The following CHST13 variants were observed in gnomAD, a reference collection of about 807,000 sequenced individuals.
CHST13 encodes C4ST-3.
In CHST13, 1 loss-of-function variant was observed where a neutral mutation model predicts 7.0. The ratio of observed to expected loss-of-function variants is 0.14; its 90% CI spans 0.05 to 0.68. The LOEUF (loss-of-function observed/expected upper bound fraction) is 0.68. CHST13 is among the 30% of genes least tolerant of loss of function. The pLI, the probability that CHST13 is intolerant of heterozygous loss-of-function variation, is 0.82. For missense variants in CHST13, 572 were observed against 507.9 expected, an observed-to-expected ratio of 1.13 and a Z score of -1.21; for synonymous variants, 257 against 240.9, an observed-to-expected ratio of 1.07 and a Z score of -0.62.
intron 2 of CHST13, among the ~76,000 whole-genome samples, chr3:126,539,516 A>T (rs542767957): frequency 7.0e-6 from 1 of 142,786 alleles, no homozygotes; most frequent in South Asian, 2.3e-4. Flanking sequence ...CACACCCCAC[A>T]CACCCCACAC....
chr3:126,536,101 G>A (rs993458195), intron 1 of CHST13, among the ~76,000 whole-genome samples, 170 bp from the exon 2 acceptor site: 14 of 152,110 alleles, frequency 9.2e-5, no homozygotes, highest in African/African-American at 3.1e-4. Context: ...TGCCCCATTA[G>A]TACCCCCTGC....
chr3:126,536,319 G>T lies in CHST13; in HGVS notation c.146G>T (p.Arg49Ile), dbSNP rs2107568347. 6.2e-7 allele frequency: 1 copy of T among 1,614,044 alleles called. No homozygotes were observed. Residue 49 changes from arginine to isoleucine, a missense_variant, in exon 2 of 3, where the codon AGA (arginine) becomes ATA (isoleucine). Physicochemically the swap from Arg to Ile is moderately conservative, Grantham distance 97 (BLOSUM62 -3). Transcript: ENST00000319340. ...TCCAGCTGGCTTGGTGGGGAGAAGA[G>T]AAGCCCCCTGCAGAAGCTCTATGAC... ...LGSSWLGGEK[R>I]SPLQKLYDLD...
At position 126,537,802 on chromosome 3, in the gene CHST13, C is replaced by G. The variant is rs528868617; in HGVS notation, c.180+1449C>G. Among the ~76,000 whole-genome samples, 5 of 152,360 alleles carry G rather than the reference C, an allele frequency of 3.3e-5. No homozygotes were observed. In the South Asian group the frequency reaches 1.0e-3, roughly 32 times the overall value. ...ACAAGTGCTGATCACGTGCCAGGCC[C>G]TTTAGTTCTGTGGACTAATTACGTC... On this transcript the variant is annotated intron_variant, in intron 2 of 2. Coordinates refer to ENST00000319340, the MANE Select transcript of CHST13 (RefSeq NM_152889.3).
At chr3:126,541,481 G>C (rs1426407150) in intron 2 of CHST13, among the ~76,000 whole-genome samples, 1 of 152,144 alleles carries the variant, frequency 6.6e-6, no homozygotes, top group Non-Finnish European at 1.5e-5. Context: ...AGTGCCCCAC[G>C]GCATACATAC....
At chr3:126,528,918 G>T (rs1482798371) in intron 1 of CHST13, among the ~76,000 whole-genome samples, 1 of 152,268 alleles carries the variant, frequency 6.6e-6, no homozygotes, top group Non-Finnish European at 1.5e-5. Context: ...GCCCCTAGGG[G>T]AAGGAATGGG....
At chr3:126,540,179 T>C (rs950225547) in intron 2 of CHST13, among the ~76,000 whole-genome samples, 3 of 152,128 alleles carry the variant, frequency 2.0e-5, no homozygotes, top group African/African-American at 7.2e-5. Flanking sequence ...CAAAGGCCGC[T>C]TTGGCCTCCT....
Position 126,541,859 on chromosome 3 carries a change from G to A in CHST13, c.307G>A (p.Asp103Asn). 1 of 1,590,064 alleles carries A rather than the reference G, an allele frequency of 6.3e-7. No homozygotes were observed. Among genetic ancestry groups the A allele is most frequent in the Non-Finnish European group, 8.6e-7 (1 of 1,168,894 alleles). The change falls in exon 3 of 3, where the codon GAC becomes AAC. Residue 103 changes from aspartate (D) to asparagine (N), a missense_variant. Coordinates refer to ENST00000319340, the MANE Select transcript of CHST13 (RefSeq NM_152889.3). ...PEDLRHVLVDDAHGLLYCYVP... is the reference protein window; with the variant it reads ...PEDLRHVLVDNAHGLLYCYVP... ...GGACCTGCGGCACGTGCTGGTGGAC[G>A]ACGCGCATGGCCTGCTCTACTGCTA...
chr3:126,539,581 C>T (rs953448334), intron 2 of CHST13, among the ~76,000 whole-genome samples: 2 of 137,100 alleles, frequency 1.5e-5, no homozygotes, highest in African/African-American at 5.6e-5. Flanking sequence ...ACATATGTAC[C>T]CCACACCACA....
chr3:126,533,701 G>C (rs1936705957), intron 1 of CHST13, among the ~76,000 whole-genome samples: 2 of 152,080 alleles, frequency 1.3e-5, no homozygotes. Context: ...TGATGTCTTT[G>C]TCTGGTTTGG....
chr3:126,537,639 G>C (rs187128839), intron 2 of CHST13, among the ~76,000 whole-genome samples: 1 of 152,300 alleles, frequency 6.6e-6, no homozygotes, highest in African/African-American at 2.4e-5. Context: ...TAGGGCCCTG[G>C]GTTCCACTAG....
Position 126,524,305 on chromosome 3 carries a change from C to A in CHST13, c.-28C>A. ...TCCGCCCCCAGCCGTATCCAGCGGA[C>A]TGTCCTCCGCCGCGCGCCCGGCACA... On this transcript the variant is annotated 5_prime_UTR_variant, in exon 1 of 3. It adds an upstream start codon to the 5' untranslated region. Coordinates refer to ENST00000319340, the MANE Select transcript of CHST13 (RefSeq NM_152889.3). 1 of 1,228,258 alleles carries A rather than the reference C, an allele frequency of 8.1e-7. No homozygotes were observed. The highest frequency in any genetic ancestry group is 3.5e-5 in the South Asian group (1 of 28,626). 76.1% of individuals were successfully genotyped at this position (1,228,258 alleles called of 1,614,324 possible).
intron 1 of CHST13, 73 bp downstream of exon 1, chr3:126,524,502 C>T (rs1270527923): frequency 8.4e-6 from 4 of 476,976 alleles, no homozygotes; most frequent in Non-Finnish European, 1.3e-5. Context: ...GCGGCCTGAC[C>T]CCTCGACAGC....
At chr3:126,532,470 T>A (rs567423909) in intron 1 of CHST13, among the ~76,000 whole-genome samples, 1 of 152,340 alleles carries the variant, frequency 6.6e-6, no homozygotes, top group East Asian at 1.9e-4. Flanking sequence ...GGGGTACAAC[T>A]TCATTCTTTT....
intron 2 of CHST13, 140 bp downstream of exon 2, chr3:126,536,493 T>C: frequency 1.6e-6 from 1 of 630,786 alleles, no homozygotes; most frequent in Non-Finnish European, 2.8e-6. Flanking sequence ...CCAGGCTTTG[T>C]CAGAGAGCAG....
At position 126,539,034 on chromosome 3, in the gene CHST13, C is replaced by A. The variant is rs114801232; in HGVS notation, c.180+2681C>A. ...CGTGTAAGTAGTATCCACTGCTTTG[C>A]CGTGTGCTTACAGTAACTTCTTGAG... is the stretch of plus-strand genomic sequence containing the variant. On this transcript the variant is annotated intron_variant, in intron 2 of 2. Transcript: ENST00000319340. Among the ~76,000 whole-genome samples the A allele has an allele frequency of 9.5e-3, 1,453 of 152,278 alleles. 25 individuals carry two copies. The highest frequency in any genetic ancestry group is 0.033 in the African/African-American group (1,361 of 41,530).
chr3:126,539,802 ACAC>A, intron 2 of CHST13, among the ~76,000 whole-genome samples: 1 of 76,278 alleles, frequency 1.3e-5, no homozygotes, highest in African/African-American at 7.3e-5. Context: ...CACAGACACC[ACAC>A]CACACACCAC....
chr3:126,527,162 C>G (rs1226417112), intron 1 of CHST13: 1 of 152,384 alleles, frequency 6.6e-6, no homozygotes, highest in Non-Finnish European at 1.5e-5. Context: ...ACAGGTGTTC[C>G]TCTTGGAGCC....
chr3:126,526,531 C>T (rs1936540010), intron 1 of CHST13, among the ~76,000 whole-genome samples: 2 of 152,210 alleles, frequency 1.3e-5, no homozygotes, highest in African/African-American at 4.8e-5. Context: ...AGCACTGTCC[C>T]CTCCTTCTCC....
intron 2 of CHST13, among the ~76,000 whole-genome samples, chr3:126,537,035 C>G (rs2363032): frequency 0.53 from 80,464 of 152,080 alleles, 23,791 homozygotes; most frequent in South Asian, 0.73. Context: ...GGTCCCTCCC[C>G]TAGTGGAGCC....
Sources: gnomAD v4.1 joint callset for allele counts (sites outside exome capture counted in the v4.1 genomes callset) on GRCh38, gnomAD v4.1.1 for gene constraint, MANE v1.5 for transcripts, NCBI Gene and HGNC (gene_info 2026-07-23, HGNC 2026-07-21) for gene names.